Variants in SPMAP2L observed in about 807,000 individuals in gnomAD.
SPMAP2L encodes sperm microtubule associated protein 2 like.
the SPMAP2L span, chr4:56,594,550 C>A: frequency 3.1e-5 from 50 of 1,608,416 alleles, no homozygotes; most frequent in Non-Finnish European, 4.2e-5. Flanking sequence ...CTATCCGAGC[C>A]TACTTAAACC....
At chr4:56,621,712 G>A in the SPMAP2L span, among the ~76,000 whole-genome samples, 1 of 152,196 alleles carries the variant, frequency 6.6e-6, no homozygotes, top group Admixed American at 6.5e-5. Flanking sequence ...AATGTGAACT[G>A]ATGTAAAAGG....
At chr4:56,574,247 C>T in the SPMAP2L span, among the ~76,000 whole-genome samples, 1 of 151,984 alleles carries the variant, frequency 6.6e-6, no homozygotes, top group Non-Finnish European at 1.5e-5. Flanking sequence ...TAGCGAGCCC[C>T]CATCCGTACA....
chr4:56,564,281 G>A, the SPMAP2L span, among the ~76,000 whole-genome samples: 15 of 151,790 alleles, frequency 9.9e-5, no homozygotes, highest in African/African-American at 3.4e-4. Context: ...CTACAGGCAC[G>A]GCACGCACCA....
At chr4:56,621,073 G>A in the SPMAP2L span, among the ~76,000 whole-genome samples, 4 of 151,738 alleles carry the variant, frequency 2.6e-5, no homozygotes, top group Non-Finnish European at 5.9e-5. Context: ...AAAACTGGAC[G>A]GAAAAAAAAC....
chr4:56,570,208 C>A, the SPMAP2L span, among the ~76,000 whole-genome samples: 1 of 152,212 alleles, frequency 6.6e-6, no homozygotes, highest in South Asian at 2.1e-4. Context: ...TAACTTTCAA[C>A]ATTCTCACGA....
At chr4:56,601,802 G>A in the SPMAP2L span, among the ~76,000 whole-genome samples, 1 of 152,106 alleles carries the variant, frequency 6.6e-6, no homozygotes, top group Non-Finnish European at 1.5e-5. Flanking sequence ...AGATCTAGGA[G>A]ACAGTCTGAT....
the SPMAP2L span, among the ~76,000 whole-genome samples, chr4:56,622,985 G>A: frequency 6.6e-6 from 1 of 152,108 alleles, no homozygotes; most frequent in African/African-American, 2.4e-5. Flanking sequence ...GGGAGGGAAG[G>A]CAGATTGGGA....
At chr4:56,583,157 C>T in the SPMAP2L span, among the ~76,000 whole-genome samples, 12,245 of 151,938 alleles carry the variant, frequency 0.081, 615 homozygotes, top group East Asian at 0.23. Flanking sequence ...GCCTGTAATC[C>T]GAGCTACTTG....
chr4:56,569,679 C>T, the SPMAP2L span, among the ~76,000 whole-genome samples: 1 of 152,154 alleles, frequency 6.6e-6, no homozygotes, highest in African/African-American at 2.4e-5. Context: ...TGGTGGTAAG[C>T]ACTTGTGGTC....
the SPMAP2L span, among the ~76,000 whole-genome samples, chr4:56,610,461 G>T: frequency 2.0e-5 from 3 of 152,116 alleles, no homozygotes; most frequent in Non-Finnish European, 1.5e-5. Context: ...ATGGATCAAG[G>T]ACTTAAATCT....
the SPMAP2L span, among the ~76,000 whole-genome samples, chr4:56,545,121 A>C: frequency 6.6e-6 from 1 of 152,202 alleles, no homozygotes; most frequent in Non-Finnish European, 1.5e-5. Context: ...AAAGAAATAC[A>C]TGGTGATGAA....
At chr4:56,623,581 T>C in the SPMAP2L span, among the ~76,000 whole-genome samples, 1 of 152,220 alleles carries the variant, frequency 6.6e-6, no homozygotes, top group Non-Finnish European at 1.5e-5. Context: ...TCTCCCAGAA[T>C]TCCAATGTGT....
chr4:56,609,694 T>C, the SPMAP2L span, among the ~76,000 whole-genome samples: 1 of 152,292 alleles, frequency 6.6e-6, no homozygotes, highest in East Asian at 1.9e-4. Flanking sequence ...GGCTATGCTC[T>C]CATCAGCGGG....
the SPMAP2L span, among the ~76,000 whole-genome samples, chr4:56,614,398 T>C: frequency 6.6e-6 from 1 of 152,150 alleles, no homozygotes; most frequent in Non-Finnish European, 1.5e-5. Flanking sequence ...CTCACATCTG[T>C]AATCCCAGCA....
chr4:56,625,275 C>G, the SPMAP2L span, among the ~76,000 whole-genome samples: 1 of 152,164 alleles, frequency 6.6e-6, no homozygotes, highest in African/African-American at 2.4e-5. Context: ...AAGTAACTAG[C>G]TTGCTTTTGA....
chr4:56,585,611 G>A, the SPMAP2L span, among the ~76,000 whole-genome samples: 1,038 of 152,206 alleles, frequency 6.8e-3, 14 homozygotes, highest in African/African-American at 0.024. Context: ...CAAAATGCTG[G>A]GATTATAGGT....
At chr4:56,543,205 T>A in the SPMAP2L span, among the ~76,000 whole-genome samples, 1 of 151,426 alleles carries the variant, frequency 6.6e-6, no homozygotes, top group Admixed American at 6.6e-5. Context: ...TGCCTCAGCC[T>A]CCCGAGTAGC....
the SPMAP2L span, among the ~76,000 whole-genome samples, chr4:56,537,714 C>T: frequency 3.3e-5 from 5 of 150,146 alleles, no homozygotes; most frequent in East Asian, 1.9e-4. Flanking sequence ...TTTTTTGAGA[C>T]GAGTCTCGCT....
the SPMAP2L span, among the ~76,000 whole-genome samples, chr4:56,585,427 G>T: frequency 6.6e-6 from 1 of 152,152 alleles, no homozygotes. Flanking sequence ...GCTCACTGCA[G>T]CTTTGACCTC....
Sources: allele counts gnomAD v4.1 joint callset (sites outside exome capture counted in the v4.1 genomes callset), GRCh38; gene constraint gnomAD v4.1.1; transcripts MANE v1.5; gene names NCBI Gene and HGNC (gene_info 2026-07-23, HGNC 2026-07-21).